Variants in SHTN1 observed in about 807,000 individuals in gnomAD.
The protein encoded by SHTN1 is shootin 1.
A neutral mutation model predicts 83.1 loss-of-function variants in SHTN1; 42 were observed. The observed-to-expected ratio is 0.51, with a 90% CI of 0.39 to 0.65. The LOEUF (loss-of-function observed/expected upper bound fraction) is 0.65, where lower values mean the gene tolerates loss of function less well. SHTN1 is among the 30% of genes least tolerant of loss of function. The pLI, the probability that SHTN1 is intolerant of heterozygous loss-of-function variation, is 0.00. For synonymous variants in SHTN1, 224 were observed against 247.7 expected, an observed-to-expected ratio of 0.90 and a Z score of 0.90; for missense variants, 622 against 737.8, an observed-to-expected ratio of 0.84 and a Z score of 1.82.
chr10:117,072,559 G>A (rs1853098608), intron 1 of SHTN1, among the ~76,000 whole-genome samples: 1 of 152,156 alleles, frequency 6.6e-6, no homozygotes, highest in South Asian at 2.1e-4. Flanking sequence ...ACAACCCCCA[G>A]TACAAGCCCA....
chr10:116,893,859 A>G (rs529124893), intron 16 of SHTN1, among the ~76,000 whole-genome samples: 16 of 152,210 alleles, frequency 1.1e-4, no homozygotes, highest in Non-Finnish European at 1.6e-4. Context: ...TTTATTTGCT[A>G]ATGTATTTCA....
At chr10:117,103,183 G>A (rs1294313975) in intron 1 of SHTN1, among the ~76,000 whole-genome samples, 5 of 151,532 alleles carry the variant, frequency 3.3e-5, no homozygotes, top group East Asian at 3.9e-4. Context: ...TCTGCCTCCC[G>A]GGTTCAAGCA....
chr10:117,108,154 G>A (rs1281826429), intron 1 of SHTN1, among the ~76,000 whole-genome samples: 2 of 152,074 alleles, frequency 1.3e-5, no homozygotes, highest in Admixed American at 6.6e-5. Flanking sequence ...TGAAAGTGCC[G>A]AGTTGAAAAA....
intron 1 of SHTN1, among the ~76,000 whole-genome samples, chr10:117,001,725 T>G (rs893309002): frequency 7.9e-5 from 12 of 152,128 alleles, no homozygotes; most frequent in Non-Finnish European, 1.5e-4. Flanking sequence ...TCAAAAGAGA[T>G]AGAAGAGAGG....
intron 7 of SHTN1, among the ~76,000 whole-genome samples, chr10:116,947,988 T>C (rs954194705): frequency 2.0e-5 from 3 of 152,196 alleles, no homozygotes; most frequent in Admixed American, 6.5e-5. Flanking sequence ...GATTGACAGC[T>C]ACCACCAATA....
At chr10:116,932,069 A>G (rs1178275008) in intron 9 of SHTN1, among the ~76,000 whole-genome samples, 1 of 152,198 alleles carries the variant, frequency 6.6e-6, no homozygotes, top group Non-Finnish European at 1.5e-5. Flanking sequence ...CATACTTCAA[A>G]TTCTGGATTT....
At chr10:116,912,686 C>T (rs1477445509) in intron 13 of SHTN1, among the ~76,000 whole-genome samples, 1 of 152,110 alleles carries the variant, frequency 6.6e-6, no homozygotes, top group African/African-American at 2.4e-5. Flanking sequence ...AAAGTAAGTT[C>T]AGGAAAGACT....
In SHTN1 at chr10:117,029,798, G is replaced by T. The variant is rs187644064; in HGVS notation, c.-123+18647C>A. ...AGCAGATACCAGCATCATGCTTCCT[G>T]TATAGCCTGTGATACCATGAGCCAG... On this transcript the variant is annotated intron_variant, in intron 2 of 17. Transcript: ENST00000392901. Among the ~76,000 whole-genome samples, 4 of 151,794 alleles carry T rather than the reference G, an allele frequency of 2.6e-5. No homozygotes were observed. In the East Asian group the frequency reaches 5.8e-4, roughly 22 times the overall value.
intron 16 of SHTN1, 165 bp downstream of exon 16, chr10:116,901,600 G>C (rs578071878): frequency 1.0e-6 from 1 of 985,286 alleles, no homozygotes; most frequent in East Asian, 1.1e-4. Flanking sequence ...AGATCTCTTA[G>C]CTAGGAGCCT....
At chr10:117,081,018 C>A (rs905246854) in intron 1 of SHTN1, among the ~76,000 whole-genome samples, 1 of 152,076 alleles carries the variant, frequency 6.6e-6, no homozygotes. Flanking sequence ...TAATTGAATA[C>A]CCGTTATTTC....
chr10:117,074,094 T>C (rs1176380643), intron 1 of SHTN1, among the ~76,000 whole-genome samples: 1 of 152,208 alleles, frequency 6.6e-6, no homozygotes, highest in African/African-American at 2.4e-5. Flanking sequence ...ATATCATTTT[T>C]CCCCTTTAGC....
chr10:117,104,588 C>T (rs117615493), intron 1 of SHTN1, among the ~76,000 whole-genome samples: 1,739 of 152,214 alleles, frequency 0.011, 11 homozygotes, highest in Middle Eastern at 0.037. Flanking sequence ...GGCTAACAAA[C>T]ACAGTGAAAC....
upstream of SHTN1, among the ~76,000 whole-genome samples, chr10:117,006,408 T>C (rs531637939): frequency 1.4e-4 from 21 of 151,514 alleles, no homozygotes; most frequent in South Asian, 3.5e-3. Context: ...CTACTAAAAA[T>C]ACAAAAAATT....
At chr10:116,940,284 T>A (rs1319031057) in intron 9 of SHTN1, among the ~76,000 whole-genome samples, 182 bp downstream of exon 9, 1 of 152,228 alleles carries the variant, frequency 6.6e-6, no homozygotes, top group African/African-American at 2.4e-5. Flanking sequence ...AATTTCAGTT[T>A]CACAACATTA....
intron 1 of SHTN1, among the ~76,000 whole-genome samples, chr10:117,064,863 G>A (rs1250950771): frequency 1.3e-5 from 2 of 152,152 alleles, no homozygotes; most frequent in Non-Finnish European, 2.9e-5. Flanking sequence ...CAGGGTTTCT[G>A]AAGCTGAACT....
chr10:116,903,830 A>T lies in SHTN1; in HGVS notation c.1481-1873T>A, dbSNP rs547500849. On this transcript the variant is annotated intron_variant, in intron 15 of 16. Coordinates refer to ENST00000355371, the MANE Select transcript of SHTN1 (RefSeq NM_001127211.3). ...TAGTGAGCTAAGCTACAGCTCTTAT[A>T]TTTTTCTTATATACAAAAAGACATT... 4.9e-4 allele frequency among the ~76,000 whole-genome samples: 75 copies of T among 152,236 alleles called. 1 individual carries two copies. The highest frequency in any genetic ancestry group is 1.7e-3 in the African/African-American group (70 of 41,540).
At chr10:117,078,806 A>G (rs1016627266) in intron 1 of SHTN1, among the ~76,000 whole-genome samples, 1 of 152,136 alleles carries the variant, frequency 6.6e-6, no homozygotes. Context: ...GATCTGTTCC[A>G]TATTTATTCC....
At chr10:117,017,203 A>G (rs559859262) in intron 2 of SHTN1, among the ~76,000 whole-genome samples, 1 of 152,218 alleles carries the variant, frequency 6.6e-6, no homozygotes, top group East Asian at 1.9e-4. Flanking sequence ...AACAAAACAA[A>G]TAACAAGGCC....
At chr10:117,084,802 G>A (rs570714821) in intron 1 of SHTN1, among the ~76,000 whole-genome samples, 2 of 152,316 alleles carry the variant, frequency 1.3e-5, no homozygotes, top group East Asian at 3.9e-4. Flanking sequence ...CGATTTTCCA[G>A]GTGCCGTCCG....
Sources: gnomAD v4.1 joint callset for allele counts (sites outside exome capture counted in the v4.1 genomes callset) on GRCh38, gnomAD v4.1.1 for gene constraint, MANE v1.5 for transcripts, NCBI Gene and HGNC (gene_info 2026-07-23, HGNC 2026-07-21) for gene names.